The following ATP6V1C2 variants were observed in gnomAD, a reference collection of about 807,000 sequenced individuals.
ATP6V1C2 encodes ATPase H+ transporting V1 subunit C2.
A neutral mutation model predicts 56.8 loss-of-function variants in ATP6V1C2; 45 were observed. The ratio of observed to expected loss-of-function variants is 0.79; its 90% CI spans 0.62 to 1.02. ATP6V1C2 has a LOEUF of 1.02. Among genes scored for constraint, ATP6V1C2 ranks in the 50% least tolerant of loss-of-function variants. The probability of loss-of-function intolerance (pLI) is 0.00; values close to 1 mark genes in which losing one functional copy is unlikely to be tolerated. For missense variants in ATP6V1C2, 463 were observed against 519.7 expected, an observed-to-expected ratio of 0.89 and a Z score of 1.06; for synonymous variants, 220 against 201.3, an observed-to-expected ratio of 1.09 and a Z score of -0.79.
chr2:10,782,573 C>T (rs1263358841), intron 13 of ATP6V1C2, among the ~76,000 whole-genome samples, 198 bp downstream of exon 13: 1 of 152,098 alleles, frequency 6.6e-6, no homozygotes, highest in African/African-American at 2.4e-5. Flanking sequence ...TGGCTCACGC[C>T]TGTAATCCCA....
chr2:10,745,773 C>T (rs1475610043), intron 3 of ATP6V1C2, among the ~76,000 whole-genome samples: 1 of 152,174 alleles, frequency 6.6e-6, no homozygotes, highest in East Asian at 1.9e-4. Flanking sequence ...AGTGACTCCT[C>T]CTTTCCTCCT....
At chr2:10,775,298 C>T (rs958828038) in intron 10 of ATP6V1C2, among the ~76,000 whole-genome samples, 1 of 152,196 alleles carries the variant, frequency 6.6e-6, no homozygotes, top group South Asian at 2.1e-4. Context: ...AGCCGGGGGC[C>T]CACCCAAGCT....
intron 3 of ATP6V1C2, among the ~76,000 whole-genome samples, chr2:10,732,409 C>G (rs1662008526): frequency 1.3e-5 from 2 of 152,184 alleles, no homozygotes; most frequent in African/African-American, 2.4e-5. Flanking sequence ...AGGCACCCAC[C>G]ACCAAGCCCA....
chr2:10,753,955 C>T (rs752867134), intron 3 of ATP6V1C2, 26 bp from the exon 4 acceptor site: 57 of 1,575,164 alleles, frequency 3.6e-5, no homozygotes, highest in Middle Eastern at 1.7e-4. Flanking sequence ...CTACTCTAAC[C>T]GGCTCTTTTT....
chr2:10,740,045 G>C (rs1662462513), intron 3 of ATP6V1C2, among the ~76,000 whole-genome samples: 1 of 144,934 alleles, frequency 6.9e-6, no homozygotes, highest in Admixed American at 7.1e-5. Context: ...CTGAGATCAC[G>C]CCTCTGCACT....
chr2:10,722,996 G>A lies in ATP6V1C2; in HGVS notation c.129+18G>A, dbSNP rs1205465374. ...ACTTCAAGGTAAAATTCTTGGGGAG[G>A]AGTGAAAAAGGGATGGATTGGTCAG... On this transcript the variant is annotated intron_variant, in intron 2 of 13. Transcript: ENST00000272238. 9 of 1,612,626 alleles carry A rather than the reference G, an allele frequency of 5.6e-6. No individual in the cohort carries two copies. In the East Asian group the frequency reaches 8.9e-5, roughly 16 times the overall value.
At chr2:10,731,905 C>G (rs1050665411) in intron 3 of ATP6V1C2, among the ~76,000 whole-genome samples, 3 of 151,610 alleles carry the variant, frequency 2.0e-5, no homozygotes, top group Non-Finnish European at 4.4e-5. Flanking sequence ...CCCAGGAGGT[C>G]GAGGCTGCAG....
At chr2:10,727,866 T>C (rs1400899369) in intron 3 of ATP6V1C2, among the ~76,000 whole-genome samples, 2 of 152,176 alleles carry the variant, frequency 1.3e-5, no homozygotes, top group East Asian at 3.9e-4. Context: ...ATCGCGCCAC[T>C]TCACTCCAGC....
intron 3 of ATP6V1C2, among the ~76,000 whole-genome samples, chr2:10,727,416 TGTG>T (rs1377887701): frequency 6.8e-5 from 10 of 147,452 alleles, no homozygotes; most frequent in African/African-American, 2.2e-4. Flanking sequence ...AATAGCTAGA[TGTG>T]GTGATGTGTG....
At chr2:10,770,571 G>A (rs1664535459) in intron 6 of ATP6V1C2, among the ~76,000 whole-genome samples, 1 of 152,230 alleles carries the variant, frequency 6.6e-6, no homozygotes, top group African/African-American at 2.4e-5. Context: ...AGGCCATGGG[G>A]CCATCCACTC....
At chr2:10,760,465 T>A (rs1435957500) in intron 4 of ATP6V1C2, among the ~76,000 whole-genome samples, 1 of 152,202 alleles carries the variant, frequency 6.6e-6, no homozygotes, top group Non-Finnish European at 1.5e-5. Flanking sequence ...AGGGCTTGGA[T>A]GCCTGACCCA....
At position 10,783,843 on chromosome 2, in the gene ATP6V1C2, T is replaced by C. The variant is rs75496500; in HGVS notation, c.*580T>C. ...CACTCTGAATTTATGATGTGGATAC[T>C]AACTTCATACATTTATCGGCATTGT... On this transcript the variant is annotated 3_prime_UTR_variant, in exon 14 of 14. Transcript: ENST00000272238. The C allele has an allele frequency of 4.1e-4, 66 of 159,224 alleles. No homozygotes were observed. In the East Asian group the frequency reaches 0.01, roughly 25 times the overall value. The allele number at this position is 159,224 out of a possible 1,614,324, so 9.9% of individuals were successfully genotyped here. A position where few individuals can be genotyped will look rare whatever the true frequency, so the allele number is the denominator to read the frequency against.
intron 3 of ATP6V1C2, among the ~76,000 whole-genome samples, chr2:10,728,826 A>G (rs1260093277): frequency 1.3e-5 from 2 of 150,684 alleles, no homozygotes. Flanking sequence ...TCTTAAAATT[A>G]TATATCTTTG....
chr2:10,752,494 A>C (rs932526703), intron 3 of ATP6V1C2, among the ~76,000 whole-genome samples: 4 of 152,248 alleles, frequency 2.6e-5, no homozygotes, highest in African/African-American at 9.6e-5. Context: ...AGAGAGCCTG[A>C]GGCAATGATT....
At chr2:10,750,895 CGCAT>C (rs1408004210) in intron 3 of ATP6V1C2, among the ~76,000 whole-genome samples, 1 of 151,910 alleles carries the variant, frequency 6.6e-6, no homozygotes, top group Admixed American at 6.6e-5. Context: ...CAGTGCTTGG[CGCAT>C]AGTAGTTGTT....
At chr2:10,764,566 T>G (rs1664113467) in intron 5 of ATP6V1C2, 141 bp downstream of exon 5, 1 of 682,788 alleles carries the variant, frequency 1.5e-6, no homozygotes, top group Non-Finnish European at 2.5e-6. Context: ...TTCCATGCAC[T>G]GGGCAGGTTT....
intron 4 of ATP6V1C2, among the ~76,000 whole-genome samples, chr2:10,762,001 G>A (rs1663938432): frequency 1.3e-5 from 2 of 152,226 alleles, no homozygotes; most frequent in South Asian, 4.1e-4. Flanking sequence ...GGGGAGCCGT[G>A]GCCCTGCCTG....
chr2:10,772,671 C>T, intron 8 of ATP6V1C2, 61 bp downstream of exon 8: 1 of 1,419,768 alleles, frequency 7.0e-7, no homozygotes, highest in Non-Finnish European at 1.0e-6. Flanking sequence ...TGCTTCAGGG[C>T]ACCCAACCAC....
chr2:10,771,033 G>A (rs746254908), intron 6 of ATP6V1C2, among the ~76,000 whole-genome samples: 7 of 152,192 alleles, frequency 4.6e-5, no homozygotes, highest in African/African-American at 9.7e-5. Flanking sequence ...TCATGCATGC[G>A]GTGCCCAGGG....
Sources: gnomAD v4.1 joint callset for allele counts (sites outside exome capture counted in the v4.1 genomes callset) on GRCh38, gnomAD v4.1.1 for gene constraint, MANE v1.5 for transcripts, NCBI Gene and HGNC (gene_info 2026-07-23, HGNC 2026-07-21) for gene names.